The following CPNE3 variants were observed in gnomAD, a reference collection of about 807,000 sequenced individuals.
CPNE3 encodes the protein copine 3.
In CPNE3, 68 loss-of-function variants were observed where a neutral mutation model predicts 63.9. The ratio of observed to expected loss-of-function variants is 1.06; its 90% CI spans 0.87 to 1.30. CPNE3 has a LOEUF of 1.30. Ranked by LOEUF, CPNE3 falls within the 50% of genes most tolerant of loss-of-function variation. The pLI is 0.00. For synonymous variants in CPNE3, 219 were observed against 197.5 expected (o/e 1.11, Z -0.91); for missense variants, 665 against 578.1 (o/e 1.15, Z -1.54).
At chr8:86,555,234 C>CAA (rs779325860) in intron 15 of CPNE3, among the ~76,000 whole-genome samples, 5,100 of 135,592 alleles carry the variant, frequency 0.038, 270 homozygotes, top group African/African-American at 0.12. Context: ...TAGGTTCTAC[C>CAA]AAAAAAAAAA....
intron 2 of CPNE3, chr8:86,521,545 A>G (rs1820434434): frequency 6.6e-6 from 1 of 152,188 alleles, no homozygotes; most frequent in East Asian, 1.9e-4. Context: ...TTGAAAAATC[A>G]TAATTGTTTA....
rs1821058572 is a variant in CPNE3, at chr8:86,546,664, A to G, written c.802A>G (p.Ser268Gly). The change falls in exon 10 of 17, where the codon AGT (serine) becomes GGT (glycine). Residue 268 changes from serine (S) to glycine (G), a missense_variant. Coordinates refer to ENST00000517490, the MANE Select transcript of CPNE3 (RefSeq NM_003909.5). The part of the protein sequence containing the change: ...KKSYKNSGVI[S>G]VKQCEITVEC... Reference sequence around the variant, plus strand: ...AAGCTACAAGAATTCAGGTGTTATCAGTGTGAAACAGTGTGAGGTCCGTTG... The same window carrying G: ...AAGCTACAAGAATTCAGGTGTTATCGGTGTGAAACAGTGTGAGGTCCGTTG... The G allele has an allele frequency of 9.3e-6, 15 of 1,610,944 alleles. No individual in the cohort carries two copies. Among genetic ancestry groups the G allele is most frequent in the Non-Finnish European group, 1.3e-5 (15 of 1,179,342 alleles).
intron 12 of CPNE3, among the ~76,000 whole-genome samples, chr8:86,550,492 C>G (rs961661250): frequency 2.0e-5 from 3 of 152,114 alleles, no homozygotes; most frequent in African/African-American, 7.2e-5. Context: ...TTTATAATGG[C>G]GGAACATTGG....
At chr8:86,530,230 C>T (rs1047109925) in intron 4 of CPNE3, among the ~76,000 whole-genome samples, 5 of 147,396 alleles carry the variant, frequency 3.4e-5, no homozygotes, top group African/African-American at 5.0e-5. Context: ...AGTGTCGTGG[C>T]TCAATCACAG....
rs1172170134 is a variant in CPNE3 at position 86,528,516 on chromosome 8, C to G, written c.-10-20C>G. ...AAAGGCACTGTTTTACTTGCTTTCT[C>G]TTTTTATTGGTTTTCTCAGAACTCA... is the stretch of plus-strand genomic sequence containing the variant. On this transcript the variant is annotated intron_variant, in intron 2 of 16. Coordinates refer to ENST00000517490, the MANE Select transcript of CPNE3 (RefSeq NM_003909.5). 5 of 1,610,142 alleles carry G rather than the reference C, an allele frequency of 3.1e-6. No individual in the cohort carries two copies. Among genetic ancestry groups the G allele is most frequent in the Non-Finnish European group, 3.4e-6 (4 of 1,179,084 alleles).
chr8:86,520,389 C>T (rs910984217), intron 2 of CPNE3, among the ~76,000 whole-genome samples: 1 of 138,854 alleles, frequency 7.2e-6, no homozygotes, highest in Non-Finnish European at 1.7e-5. Flanking sequence ...AACCCCGTCT[C>T]TACTAAAAAT....
intron 15 of CPNE3, among the ~76,000 whole-genome samples, chr8:86,555,886 C>G (rs1821313997): frequency 6.6e-6 from 1 of 152,050 alleles, no homozygotes; most frequent in Non-Finnish European, 1.5e-5. Context: ...TTTTGCCAAC[C>G]CTATTTTGTG....
chr8:86,523,677 C>A (rs568826516), intron 2 of CPNE3, among the ~76,000 whole-genome samples: 3 of 152,234 alleles, frequency 2.0e-5, no homozygotes, highest in African/African-American at 7.2e-5. Flanking sequence ...CCTTCACCTC[C>A]TTGGTTCAAG....
intron 14 of CPNE3, among the ~76,000 whole-genome samples, chr8:86,554,598 G>A (rs1446580699): frequency 1.3e-5 from 2 of 152,164 alleles, no homozygotes; most frequent in Non-Finnish European, 2.9e-5. Context: ...TCCTACCGTA[G>A]ACTAATAAGT....
rs1486217315 is a variant in CPNE3 at position 86,532,583 on chromosome 8, G to T, written c.459+3G>T. The T allele has an allele frequency of 1.9e-6, 3 of 1,608,738 alleles. No individual in the cohort carries two copies. Among genetic ancestry groups the T allele is most frequent in the South Asian group, 2.2e-5 (2 of 90,000 alleles). On this transcript the variant is annotated splice_donor_region_variant and intron_variant, in intron 6 of 16. Transcript: ENST00000517490. ...AAGCCAGAAAACTGGATAATAAGGT[G>T]GGTAGACTATGCAGATTTCAAAAAG...
rs1821176741 is a variant in CPNE3 at position 86,551,475 on chromosome 8, G to A, written c.1120+241G>A. ...AGTATTATGATGATGAAGGTGGTAA[G>A]CTAAATCCTCCTACCTTAAGAACTT... On this transcript the variant is annotated intron_variant, in intron 14 of 16. Coordinates refer to ENST00000517490, the MANE Select transcript of CPNE3 (RefSeq NM_003909.5). 9.8e-6 allele frequency: 4 copies of A among 408,048 alleles called. No individual in the cohort carries two copies. In the East Asian group the frequency reaches 1.5e-4, roughly 16 times the overall value. The allele number at this position is 408,048 out of a possible 1,614,324, so 25.3% of individuals were successfully genotyped here.
intron 8 of CPNE3, among the ~76,000 whole-genome samples, chr8:86,543,929 G>A (rs770847364): frequency 2.1e-4 from 32 of 152,108 alleles, no homozygotes; most frequent in South Asian, 1.2e-3. Context: ...CCATTGCAAA[G>A]AATATTCTAG....
At chr8:86,524,427 T>G (rs1409057168) in intron 2 of CPNE3, among the ~76,000 whole-genome samples, 1 of 152,132 alleles carries the variant, frequency 6.6e-6, no homozygotes, top group African/African-American at 2.4e-5. Context: ...ATATTTGGTG[T>G]TTCTAGGGAT....
chr8:86,537,729 A>ACAAAC, intron 7 of CPNE3, 83 bp downstream of exon 7: 1 of 839,446 alleles, frequency 1.2e-6, no homozygotes, highest in Admixed American at 1.9e-5. Flanking sequence ...TATATTTATA[A>ACAAAC]AAGTATCAAT....
chr8:86,522,374 A>G (rs1245617227), intron 2 of CPNE3, among the ~76,000 whole-genome samples: 1 of 152,012 alleles, frequency 6.6e-6, no homozygotes, highest in African/African-American at 2.4e-5. Flanking sequence ...GGTCTCCCCA[A>G]TTTGATTATA....
At chr8:86,554,825 GTTTT>G (rs759407811) in intron 14 of CPNE3, 22 bp from the exon 15 acceptor site, 40 of 1,609,038 alleles carry the variant, frequency 2.5e-5, no homozygotes, top group Non-Finnish European at 3.4e-5. Flanking sequence ...TTTTAGTACT[GTTTT>G]TTATTTGTTT....
intron 2 of CPNE3, among the ~76,000 whole-genome samples, chr8:86,522,548 CTTTTTTTTTTTTTT>C (rs36073581): frequency 1.2e-5 from 1 of 82,232 alleles, no homozygotes. Flanking sequence ...ACGCCCGCTG[CTTTTTTTTTTTTTT>C]TTTTTTTTTT....
At chr8:86,554,720 C>A in intron 14 of CPNE3, 131 bp from the exon 15 acceptor site, 1 of 1,063,772 alleles carries the variant, frequency 9.4e-7, no homozygotes, top group Non-Finnish European at 1.3e-6. Context: ...AGAGGAACTA[C>A]TGCTTATAGA....
intron 9 of CPNE3, 29 bp downstream of exon 9, chr8:86,544,867 C>T (rs1192730444): frequency 1.5e-6 from 2 of 1,337,882 alleles, no homozygotes; most frequent in Non-Finnish European, 1.0e-6. Flanking sequence ...TTTGCATATA[C>T]TTTATAGTTT....
Sources: allele counts gnomAD v4.1 joint callset (sites outside exome capture counted in the v4.1 genomes callset), GRCh38; gene constraint gnomAD v4.1.1; transcripts MANE v1.5; gene names NCBI Gene and HGNC (gene_info 2026-07-23, HGNC 2026-07-21).